Variants in IP6K1 observed in about 807,000 individuals in gnomAD.
IP6K1 encodes ATP:1D-myo-inositol-hexakisphosphate phosphotransferase.
In IP6K1, 13 loss-of-function variants were observed where a neutral mutation model predicts 38.3. The ratio of observed to expected loss-of-function variants is 0.34; its 90% CI spans 0.22 to 0.54. IP6K1 has a LOEUF of 0.54. Among genes scored for constraint, IP6K1 ranks in the 20% least tolerant of loss-of-function variants. The pLI is 0.92. For missense variants in IP6K1, 397 were observed against 599.8 expected, an observed-to-expected ratio of 0.66 and a Z score of 3.53; for synonymous variants, 212 against 229.9, an observed-to-expected ratio of 0.92 and a Z score of 0.70.
intron 2 of IP6K1, among the ~76,000 whole-genome samples, chr3:49,740,121 C>T (rs1343397687): frequency 6.6e-6 from 1 of 151,850 alleles, no homozygotes; most frequent in Non-Finnish European, 1.5e-5. Context: ...AGTTCAAGAC[C>T]AGCCTGAGCA....
chr3:49,773,700 A>G (rs998189584), intron 1 of IP6K1, among the ~76,000 whole-genome samples: 1 of 152,220 alleles, frequency 6.6e-6, no homozygotes, highest in Non-Finnish European at 1.5e-5. Flanking sequence ...AATATTCATT[A>G]TATTTTCTAT....
chr3:49,751,896 T>C (rs544706182), intron 1 of IP6K1, among the ~76,000 whole-genome samples: 134 of 152,350 alleles, frequency 8.8e-4, no homozygotes, highest in Non-Finnish European at 1.4e-3. Context: ...AATAGTTAGG[T>C]TGACTTTCTG....
chr3:49,771,842 T>C (rs2080962383), intron 1 of IP6K1, among the ~76,000 whole-genome samples: 1 of 152,150 alleles, frequency 6.6e-6, no homozygotes, highest in Non-Finnish European at 1.5e-5. Flanking sequence ...AATGAAATAC[T>C]ATATAGCAAT....
intron 1 of IP6K1, among the ~76,000 whole-genome samples, chr3:49,779,491 A>G (rs945379297): frequency 7.9e-5 from 12 of 152,032 alleles, no homozygotes; most frequent in Non-Finnish European, 2.9e-5. Context: ...CAGGAGGGAG[A>G]TTGCTGGGTC....
intron 3 of IP6K1, among the ~76,000 whole-genome samples, chr3:49,735,078 G>T (rs898045294): frequency 6.6e-6 from 1 of 152,196 alleles, no homozygotes; most frequent in Non-Finnish European, 1.5e-5. Flanking sequence ...CTCTAGACTG[G>T]GCGCAGTGGC....
chr3:49,726,852 C>T lies in IP6K1; in HGVS notation c.*270G>A, dbSNP rs940942762. The T allele has an allele frequency of 8.8e-6, 4 of 456,724 alleles. No individual in the cohort carries two copies. Among genetic ancestry groups the T allele is most frequent in the African/African-American group, 8.0e-5 (4 of 49,810 alleles). The allele number at this position is 456,724 out of a possible 1,614,324, so 28.3% of individuals were successfully genotyped here. On this transcript the variant is annotated 3_prime_UTR_variant, in exon 6 of 6. Transcript: ENST00000321599. ...GGGCACCCTGTCCCTGCTGCCAAGCCCACCAGGGGCACCTCTTCCTTCCTA... is the reference window on the plus strand; with the variant it reads ...GGGCACCCTGTCCCTGCTGCCAAGCTCACCAGGGGCACCTCTTCCTTCCTA...
intron 1 of IP6K1, among the ~76,000 whole-genome samples, chr3:49,750,486 G>C (rs1449638542): frequency 2.0e-5 from 3 of 152,118 alleles, no homozygotes; most frequent in Non-Finnish European, 2.9e-5. Flanking sequence ...CCTGAGGTCA[G>C]GAGTTCAAGA....
At chr3:49,781,758 G>A (rs564126158) in intron 1 of IP6K1, among the ~76,000 whole-genome samples, 71 of 152,190 alleles carry the variant, frequency 4.7e-4, no homozygotes, top group Middle Eastern at 6.8e-3. Flanking sequence ...TGATTTCAGT[G>A]CAGGATCTCC....
Position 49,772,701 on chromosome 3 carries a change from C to G in IP6K1, c.-129+13653G>C, listed in dbSNP as rs190221743. Among the ~76,000 whole-genome samples the G allele has an allele frequency of 2.0e-5, 3 of 152,066 alleles. No individual in the cohort carries two copies. In the East Asian group the frequency reaches 5.8e-4, roughly 29 times the overall value. On this transcript the variant is annotated intron_variant, in intron 1 of 5. Transcript: ENST00000321599. ...TACAGGCATGAGCCACCACACCCAG[C>G]CTCTCTCTACTTCTGACTAGCCAAT...
chr3:49,732,598 C>T (rs555490200), intron 4 of IP6K1, among the ~76,000 whole-genome samples, 193 bp downstream of exon 4: 2 of 152,158 alleles, frequency 1.3e-5, no homozygotes, highest in African/African-American at 2.4e-5. Flanking sequence ...TTTTAAGCTT[C>T]GGCCTTACCA....
intron 1 of IP6K1, among the ~76,000 whole-genome samples, chr3:49,784,784 A>C (rs1355998338): frequency 6.6e-6 from 1 of 151,824 alleles, no homozygotes; most frequent in Non-Finnish European, 1.5e-5. Flanking sequence ...GTCTCTACTA[A>C]AAATACAAAA....
At chr3:49,772,241 ATGTG>A (rs1189313550) in intron 1 of IP6K1, among the ~76,000 whole-genome samples, 26 of 141,198 alleles carry the variant, frequency 1.8e-4, no homozygotes, top group South Asian at 6.6e-4. Flanking sequence ...ATATATATAT[ATGTG>A]TGTGTGTGTG....
chr3:49,778,094 G>A (rs560722028), intron 1 of IP6K1, among the ~76,000 whole-genome samples: 2 of 151,750 alleles, frequency 1.3e-5, no homozygotes, highest in East Asian at 1.9e-4. Flanking sequence ...GGGAGGCCAA[G>A]GCGAGTGGAT....
At chr3:49,743,116 C>T (rs2080686107) in intron 2 of IP6K1, among the ~76,000 whole-genome samples, 1 of 151,892 alleles carries the variant, frequency 6.6e-6, no homozygotes, top group Non-Finnish European at 1.5e-5. Flanking sequence ...TAAGTCCCAG[C>T]TACTCAGGAG....
At chr3:49,747,574 TTTTCCA>T (rs1402247709) in intron 2 of IP6K1, among the ~76,000 whole-genome samples, 8 of 152,216 alleles carry the variant, frequency 5.3e-5, no homozygotes, top group Non-Finnish European at 1.2e-4. Flanking sequence ...CAGCATGCTC[TTTTCCA>T]CCAATGGAAC....
chr3:49,733,061 T>A, intron 3 of IP6K1, 89 bp from the exon 4 acceptor site: 1 of 971,548 alleles, frequency 1.0e-6, no homozygotes, highest in Admixed American at 2.3e-5. Context: ...CTGTCCACAA[T>A]GACAGACCCA....
At chr3:49,740,469 C>T (rs899655508) in intron 2 of IP6K1, among the ~76,000 whole-genome samples, 2 of 152,108 alleles carry the variant, frequency 1.3e-5, no homozygotes, top group African/African-American at 4.8e-5. Flanking sequence ...TTTTCATCAC[C>T]TGAAACAAAA....
chr3:49,734,717 T>A (rs945702076), intron 3 of IP6K1, among the ~76,000 whole-genome samples: 2 of 152,150 alleles, frequency 1.3e-5, no homozygotes, highest in Non-Finnish European at 2.9e-5. Flanking sequence ...CAAAGATGCC[T>A]TTTTTTGTGA....
At chr3:49,742,714 C>A (rs1343417135) in intron 2 of IP6K1, among the ~76,000 whole-genome samples, 1 of 151,750 alleles carries the variant, frequency 6.6e-6, no homozygotes, top group Non-Finnish European at 1.5e-5. Flanking sequence ...GCCTGGGCAA[C>A]ATGGTGAGAC....
Sources: allele counts gnomAD v4.1 joint callset (sites outside exome capture counted in the v4.1 genomes callset), GRCh38; gene constraint gnomAD v4.1.1; transcripts MANE v1.5; gene names NCBI Gene and HGNC (gene_info 2026-07-23, HGNC 2026-07-21).